The following TRIM9 variants were observed in gnomAD, a reference collection of about 807,000 sequenced individuals.
TRIM9 encodes tripartite motif containing 9.
TRIM9 carries 26 observed loss-of-function variants against 78.3 expected under a neutral mutation model. That is an observed-to-expected ratio of 0.33 (90% confidence interval 0.24 to 0.46). TRIM9 has a LOEUF of 0.46. TRIM9 is among the 20% of genes least tolerant of loss of function. The pLI, the probability that TRIM9 is intolerant of heterozygous loss-of-function variation, is 1.00. For missense variants in TRIM9, 787 were observed against 1,036.4 expected (o/e 0.76, Z 3.30); for synonymous variants, 398 against 416.5 (o/e 0.96, Z 0.54).
chr14:51,036,891 T>C (rs2139933508), intron 1 of TRIM9, among the ~76,000 whole-genome samples: 1 of 152,360 alleles, frequency 6.6e-6, no homozygotes, highest in Non-Finnish European at 1.5e-5. Context: ...CTGACATAGT[T>C]GGCTTTATTC....
At chr14:51,038,797 T>C (rs1472964725) in intron 1 of TRIM9, among the ~76,000 whole-genome samples, 2 of 152,102 alleles carry the variant, frequency 1.3e-5, no homozygotes, top group Non-Finnish European at 2.9e-5. Context: ...AACTACTAAG[T>C]TTCAATAACA....
intron 5 of TRIM9, among the ~76,000 whole-genome samples, chr14:51,007,017 C>T (rs964409037): frequency 6.6e-6 from 1 of 152,118 alleles, no homozygotes; most frequent in Admixed American, 6.6e-5. Flanking sequence ...TGGACTCCAC[C>T]GTGAGCAGAT....
intron 8 of TRIM9, 48 bp downstream of exon 8, chr14:50,985,904 ATGCC>A: frequency 7.4e-7 from 1 of 1,358,904 alleles, no homozygotes; most frequent in Non-Finnish European, 9.6e-7. Flanking sequence ...CGTTTCAGAG[ATGCC>A]TTCAAGGCAC....
intron 7 of TRIM9, chr14:50,995,928 A>C (rs2054157842): frequency 4.8e-6 from 1 of 207,216 alleles, no homozygotes; most frequent in South Asian, 1.7e-4. Flanking sequence ...TTGATCCTAT[A>C]GGCTTTGTCT....
At chr14:51,075,464 C>G (rs1344855045) in intron 1 of TRIM9, among the ~76,000 whole-genome samples, 1 of 151,948 alleles carries the variant, frequency 6.6e-6, no homozygotes, top group Non-Finnish European at 1.5e-5. Context: ...AATTATATAC[C>G]AAAGATTTGT....
chr14:50,975,922 T>A lies in TRIM9; in HGVS notation c.*1369A>T, dbSNP rs1298682457. 6.6e-6 allele frequency: 1 copy of A among 152,662 alleles called. No homozygotes were observed. The highest frequency in any genetic ancestry group is 2.4e-5 in the African/African-American group (1 of 41,466). 9.5% of individuals were successfully genotyped at this position (152,662 alleles called of 1,614,324 possible). On this transcript the variant is annotated 3_prime_UTR_variant, in exon 13 of 13. Coordinates refer to ENST00000684578, the MANE Select transcript of TRIM9 (RefSeq NM_001387360.1). ...TAGTAATGACATACAGTCCCATGTT[T>A]TTCCAAACATTGTTTGGACTACTCC...
chr14:50,977,345 C>G lies in TRIM9; in HGVS notation c.2334G>C (p.Leu778=). The change falls in exon 13 of 13, where the codon CTG becomes CTC. Residue 778 remains leucine (L), a synonymous_variant. Transcript: ENST00000684578. Reference sequence around the variant, plus strand: ...AGTCGGGGACTGGGAGCCCGGTGTGCAGCGTGACCTGGGGAATGAGACTGT... The same window carrying G: ...AGTCGGGGACTGGGAGCCCGGTGTGGAGCGTGACCTGGGGAATGAGACTGT... The part of the protein sequence containing the change: ...VSLNRNVQVT[L]HTGLPVPDFY... 6.5e-7 allele frequency: 1 copy of G among 1,545,826 alleles called. No individual in the cohort carries two copies. The highest frequency in any genetic ancestry group is 1.2e-5 in the South Asian group (1 of 81,890).
chr14:51,079,568 T>G (rs1000315372), intron 1 of TRIM9, among the ~76,000 whole-genome samples: 2 of 152,230 alleles, frequency 1.3e-5, no homozygotes, highest in Admixed American at 6.5e-5. Context: ...TATTTTGACA[T>G]TACAGGTTAT....
At chr14:50,996,578 C>T (rs532278534) in intron 7 of TRIM9, 265 of 985,346 alleles carry the variant, frequency 2.7e-4, no homozygotes, top group Non-Finnish European at 3.0e-4. Context: ...GCACTTCACT[C>T]TTCAATCAAA....
At chr14:50,989,590 C>A (rs192502671) in intron 7 of TRIM9, among the ~76,000 whole-genome samples, 1 of 152,034 alleles carries the variant, frequency 6.6e-6, no homozygotes, top group South Asian at 2.1e-4. Flanking sequence ...CCTGAAGAGA[C>A]GTTTAACATC....
rs560874516 is a variant in TRIM9, at chr14:51,059,986, A to T, written c.822+34132T>A. ...GAAAATATGATACAAATTGTTTCTT[A>T]AAAAAGTGTTTTATCCTAATTTCAA... On this transcript the variant is annotated intron_variant, in intron 1 of 12. Coordinates refer to ENST00000684578, the MANE Select transcript of TRIM9 (RefSeq NM_001387360.1). Among the ~76,000 whole-genome samples, 10 of 152,112 alleles carry T rather than the reference A, an allele frequency of 6.6e-5. No individual in the cohort carries two copies. In the South Asian group the frequency reaches 8.3e-4, roughly 13 times the overall value.
intron 1 of TRIM9, 31 bp downstream of exon 1, chr14:51,094,087 G>A (rs2064712769): frequency 1.9e-6 from 3 of 1,578,768 alleles, no homozygotes; most frequent in South Asian, 1.1e-5. Context: ...GGAGACGCAG[G>A]GAGTTAGGAG....
chr14:50,995,009 C>T (rs1398985707), intron 7 of TRIM9, among the ~76,000 whole-genome samples: 1 of 152,000 alleles, frequency 6.6e-6, no homozygotes, highest in Non-Finnish European at 1.5e-5. Context: ...ATGCATTCTC[C>T]TTTCCTTTTC....
chr14:51,091,587 A>T (rs951475272), intron 1 of TRIM9, among the ~76,000 whole-genome samples: 3 of 152,332 alleles, frequency 2.0e-5, no homozygotes, highest in African/African-American at 7.2e-5. Flanking sequence ...TAACTTCCTT[A>T]TTAAGTAAAT....
chr14:50,977,388 G>T, intron 12 of TRIM9, 35 bp from the exon 13 acceptor site: 1 of 1,476,328 alleles, frequency 6.8e-7, no homozygotes, highest in Non-Finnish European at 9.1e-7. Context: ...GAGAGGCATC[G>T]TGCATCCCCC....
rs1045626682 is a variant in TRIM9, at chr14:51,094,060, T to C, written c.822+58A>G. On this transcript the variant is annotated intron_variant, in intron 1 of 12. Transcript: ENST00000684578. ...TGCGCAAGAGACGGGGACCGTCTGC[T>C]GCAAAACCGGATGATCGGAGACGCA... 227 of 1,539,652 alleles carry C rather than the reference T, an allele frequency of 1.5e-4. 1 individual carries two copies. Among genetic ancestry groups the C allele is most frequent in the South Asian group, 6.8e-4 (58 of 84,680 alleles).
At position 51,094,462 on chromosome 14, in the gene TRIM9, G is replaced by A; in HGVS notation, c.478C>T (p.Gln160Ter). 1 of 1,613,844 alleles carries A rather than the reference G, an allele frequency of 6.2e-7. No individual in the cohort carries two copies. The highest frequency in any genetic ancestry group is 8.5e-7 in the Non-Finnish European group (1 of 1,179,966). The stretch of plus-strand genomic sequence containing the variant: ...CACTTGAGGGCCGCGGCTTTGCTCT[G>A]CTGGTAGCGGTCAATTACCCCTTCC... ...VLEGVIDRYQ[Q>*]SKAAALKCQL... is the part of the protein sequence containing the mutation. Residue 160 changes from glutamine to a stop codon, truncating the protein, a stop_gained, in exon 1 of 13, where the codon CAG (glutamine) becomes TAG (stop). Coordinates refer to ENST00000684578, the MANE Select transcript of TRIM9 (RefSeq NM_001387360.1). LOFTEE classifies it high-confidence loss of function.
intron 7 of TRIM9, chr14:50,996,196 C>G: frequency 1.0e-6 from 1 of 984,086 alleles, no homozygotes; most frequent in South Asian, 4.7e-5. Flanking sequence ...TATTTGTACA[C>G]AATATATAAA....
chr14:51,090,575 T>C (rs2064210303), intron 1 of TRIM9: 2 of 152,204 alleles, frequency 1.3e-5, no homozygotes, highest in South Asian at 4.1e-4. Flanking sequence ...GAATAATTGT[T>C]ACAAATATGT....
Sources: allele counts gnomAD v4.1 joint callset (sites outside exome capture counted in the v4.1 genomes callset), GRCh38; gene constraint gnomAD v4.1.1; transcripts MANE v1.5; gene names NCBI Gene and HGNC (gene_info 2026-07-23, HGNC 2026-07-21).